CADM2: variants seen among roughly 807,000 people sequenced by gnomAD.
CADM2 encodes the protein cell adhesion molecule 2, also known as immunoglobulin superfamily member 4D.
In CADM2, 12 loss-of-function variants were observed where a neutral mutation model predicts 49.8. That is an observed-to-expected ratio of 0.24 (90% CI 0.15 to 0.39). The LOEUF is 0.39. Among genes scored for constraint, CADM2 ranks in the 10% least tolerant of loss-of-function variants. The pLI is 1.00. For missense variants in CADM2, 378 were observed against 492.3 expected (o/e 0.77, Z 2.20); for synonymous variants, 214 against 175.4 (o/e 1.22, Z -1.74).
chr3:85,553,524 T>C (rs1357384150), intron 1 of CADM2, among the ~76,000 whole-genome samples: 1 of 104,858 alleles, frequency 9.5e-6, no homozygotes, highest in East Asian at 7.1e-4. Context: ...AAGAAAATTC[T>C]ACATTCTACT....
chr3:85,959,365 T>C (rs1321819216), intron 7 of CADM2, among the ~76,000 whole-genome samples: 1 of 151,862 alleles, frequency 6.6e-6, no homozygotes, highest in Non-Finnish European at 1.5e-5. Flanking sequence ...GTAGGCATAA[T>C]TGGTTATATC....
chr3:85,516,805 C>A (rs1441594686), intron 1 of CADM2, among the ~76,000 whole-genome samples: 1 of 151,902 alleles, frequency 6.6e-6, no homozygotes, highest in African/African-American at 2.4e-5. Flanking sequence ...CAAAATTGTA[C>A]CTTTGAACTA....
chr3:85,569,902 C>T (rs1360981491), intron 1 of CADM2, among the ~76,000 whole-genome samples: 2 of 151,974 alleles, frequency 1.3e-5, no homozygotes, highest in Non-Finnish European at 2.9e-5. Context: ...ATATAATTCT[C>T]GATTGGCAAA....
intron 1 of CADM2, among the ~76,000 whole-genome samples, chr3:85,569,988 G>C (rs1041544421): frequency 1.1e-4 from 17 of 152,058 alleles, no homozygotes; most frequent in Non-Finnish European, 8.8e-5. Flanking sequence ...CTATTATATA[G>C]GAACCTAGCT....
chr3:85,636,409 G>A (rs11127904), intron 1 of CADM2, among the ~76,000 whole-genome samples: 1 of 152,170 alleles, frequency 6.6e-6, no homozygotes, highest in Non-Finnish European at 1.5e-5. Flanking sequence ...AAAGAAAATA[G>A]TTTGTACAGT....
intron 1 of CADM2, among the ~76,000 whole-genome samples, chr3:85,102,348 T>TGA (rs1465405957): frequency 6.6e-6 from 1 of 152,210 alleles, no homozygotes; most frequent in Admixed American, 6.5e-5. Context: ...AAATAATTGA[T>TGA]GAAGCATTTA....
intron 1 of CADM2, among the ~76,000 whole-genome samples, chr3:85,306,273 T>G (rs1260102185): frequency 6.6e-6 from 1 of 151,694 alleles, no homozygotes; most frequent in Non-Finnish European, 1.5e-5. Context: ...TTTAAATATA[T>G]GTTTTTAAAT....
At chr3:85,680,725 T>G (rs1308999049) in intron 1 of CADM2, among the ~76,000 whole-genome samples, 1 of 152,234 alleles carries the variant, frequency 6.6e-6, no homozygotes, top group East Asian at 1.9e-4. Context: ...ATCTCTCTAA[T>G]TAGCACTTTG....
rs182920655 is a variant in CADM2, at chr3:85,623,861, T to A, written c.62-102661T>A. 5.3e-5 allele frequency among the ~76,000 whole-genome samples: 8 copies of A among 152,306 alleles called. No individual in the cohort carries two copies. The East Asian group carries it at 9.7e-4, about 18-fold the overall frequency. Reference sequence around the variant, plus strand: ...TGAAAATTTCATTGTAGAATCATTTTTTATTCCAAGACAAGTAATTATGGA... The same window carrying A: ...TGAAAATTTCATTGTAGAATCATTTATTATTCCAAGACAAGTAATTATGGA... On this transcript the variant is annotated intron_variant, in intron 1 of 9. Coordinates refer to ENST00000383699, the MANE Select transcript of CADM2 (RefSeq NM_001167675.2).
intron 8 of CADM2, chr3:86,014,865 G>A: frequency 5.8e-6 from 9 of 1,538,844 alleles, no homozygotes; most frequent in East Asian, 2.3e-5. Context: ...TTTTCCTAAT[G>A]TGTATGCATT....
At chr3:86,012,720 T>C in intron 8 of CADM2, 2 of 940,098 alleles carry the variant, frequency 2.1e-6, no homozygotes, top group Non-Finnish European at 3.4e-6. Flanking sequence ...CTGGGCGCGT[T>C]GACTCACGCC....
At chr3:85,816,933 C>T (rs898860557) in intron 3 of CADM2, among the ~76,000 whole-genome samples, 1 of 152,094 alleles carries the variant, frequency 6.6e-6, no homozygotes, top group Non-Finnish European at 1.5e-5. Flanking sequence ...TATTTCTTCA[C>T]TATTCATACA....
chr3:85,305,880 T>A (rs776711585), intron 1 of CADM2, among the ~76,000 whole-genome samples: 1 of 151,672 alleles, frequency 6.6e-6, no homozygotes, highest in African/African-American at 2.4e-5. Context: ...TGTCTCTTTC[T>A]TTTTTTGAAA....
intron 1 of CADM2, among the ~76,000 whole-genome samples, chr3:85,014,683 A>C (rs1054158946): frequency 6.6e-6 from 1 of 152,198 alleles, no homozygotes; most frequent in African/African-American, 2.4e-5. Context: ...CAGAGGCTAT[A>C]GTCATCTCAA....
At chr3:85,701,077 C>G (rs2066738401) in intron 1 of CADM2, among the ~76,000 whole-genome samples, 1 of 152,160 alleles carries the variant, frequency 6.6e-6, no homozygotes, top group Non-Finnish European at 1.5e-5. Flanking sequence ...GTGGCTTCTA[C>G]TTCAATGGAG....
intron 1 of CADM2, among the ~76,000 whole-genome samples, chr3:85,628,958 T>C (rs1237129302): frequency 6.6e-6 from 1 of 151,622 alleles, no homozygotes; most frequent in Non-Finnish European, 1.5e-5. Context: ...AGCATGACAT[T>C]ACATTAACTA....
At chr3:85,046,759 C>T (rs929155805) in intron 1 of CADM2, among the ~76,000 whole-genome samples, 2 of 151,868 alleles carry the variant, frequency 1.3e-5, no homozygotes, top group African/African-American at 4.8e-5. Context: ...TTTTAAAATG[C>T]TTTCCAAGGA....
At chr3:85,712,047 CTTGAT>C (rs2067136613) in intron 1 of CADM2, among the ~76,000 whole-genome samples, 1 of 152,118 alleles carries the variant, frequency 6.6e-6, no homozygotes, top group Non-Finnish European at 1.5e-5. Context: ...CTGTACTTGA[CTTGAT>C]AAAAAGTATT....
intron 1 of CADM2, among the ~76,000 whole-genome samples, chr3:85,448,994 GAGCCA>G (rs1291650258): frequency 1.3e-5 from 2 of 150,332 alleles, no homozygotes; most frequent in African/African-American, 4.9e-5. Flanking sequence ...AAGTTGCAGT[GAGCCA>G]AGATCACACC....
Sources: gnomAD v4.1 joint callset for allele counts (sites outside exome capture counted in the v4.1 genomes callset) on GRCh38, gnomAD v4.1.1 for gene constraint, MANE v1.5 for transcripts, NCBI Gene and HGNC (gene_info 2026-07-23, HGNC 2026-07-21) for gene names.